ATG3: variants seen among roughly 807,000 people sequenced by gnomAD.
The protein encoded by ATG3 is ubiquitin-like-conjugating enzyme ATG3.
Under a neutral mutation model 50.7 loss-of-function variants are expected in ATG3, and 25 were observed. That is an observed-to-expected ratio of 0.49 (90% confidence interval 0.36 to 0.69). The LOEUF is 0.69. Among genes scored for constraint, ATG3 ranks in the 30% least tolerant of loss-of-function variants. The probability of loss-of-function intolerance (pLI) is 0.00; values close to 1 mark genes in which losing one functional copy is unlikely to be tolerated. For missense variants in ATG3, 281 were observed against 376.0 expected (o/e 0.75, Z 2.09); for synonymous variants, 119 against 125.5 (o/e 0.95, Z 0.34).
At chr3:112,532,937 GTCTATTTAA>G in intron 11 of ATG3, 157 bp from the exon 12 acceptor site, 2 of 1,296,210 alleles carry the variant, frequency 1.5e-6, no homozygotes, top group Non-Finnish European at 9.8e-7. Context: ...GCAAATTTGT[GTCTATTTAA>G]CATGAGGCTC....
In ATG3 at chr3:112,543,949, C is replaced by A. The variant is rs1186396241; in HGVS notation, c.393+108G>T. On this transcript the variant is annotated intron_variant, in intron 6 of 11. Coordinates refer to ENST00000283290, the MANE Select transcript of ATG3 (RefSeq NM_022488.5). ...TTAAAAGAGCTTGATAATAAAAAAC[C>A]AGGGTTTTTATAAGAAAGATATGGT... 1.0e-5 allele frequency: 8 copies of A among 762,300 alleles called. No individual in the cohort carries two copies. The East Asian group carries it at 1.4e-4, about 14-fold the overall frequency. The allele number at this position is 762,300 out of a possible 1,614,324, so 47.2% of individuals were successfully genotyped here.
At position 112,545,739 on chromosome 3, in the gene ATG3, T is replaced by C. The variant is rs114912639; in HGVS notation, c.344-1633A>G. Among the ~76,000 whole-genome samples the C allele has an allele frequency of 5.5e-3, 840 of 152,198 alleles. 9 individuals carry two copies. The highest frequency in any genetic ancestry group is 0.019 in the African/African-American group (777 of 41,520). On this transcript the variant is annotated intron_variant, in intron 5 of 11. Coordinates refer to ENST00000283290, the MANE Select transcript of ATG3 (RefSeq NM_022488.5). Reference sequence around the variant, plus strand: ...AAACACTTCTAGAAGTAGGATACAGTTGACAAAGAAAAAGAAAGCTCAAAT... The same window carrying C: ...AAACACTTCTAGAAGTAGGATACAGCTGACAAAGAAAAAGAAAGCTCAAAT...
intron 1 of ATG3, among the ~76,000 whole-genome samples, chr3:112,560,330 C>T (rs952514552): frequency 1.8e-4 from 27 of 152,276 alleles, no homozygotes; most frequent in Admixed American, 1.6e-3. Flanking sequence ...ATGACTTTCA[C>T]AGTAAACAAA....
chr3:112,556,483 T>A (rs1323789087), intron 2 of ATG3, among the ~76,000 whole-genome samples: 6 of 149,440 alleles, frequency 4.0e-5, no homozygotes, highest in South Asian at 2.2e-4. Context: ...TACTGGGAAG[T>A]GAGGAGCCCC....
chr3:112,535,614 T>C (rs940206401), intron 10 of ATG3: 4 of 152,018 alleles, frequency 2.6e-5, no homozygotes, highest in Admixed American at 2.0e-4. Context: ...TCAGACATAA[T>C]AAAACTGAAA....
chr3:112,537,955 A>G (rs1286609270), intron 8 of ATG3, 65 bp from the exon 9 acceptor site: 1 of 1,454,512 alleles, frequency 6.9e-7, no homozygotes, highest in African/African-American at 1.4e-5. Flanking sequence ...ATTCTAGAAA[A>G]CTTATTTTTT....
At chr3:112,556,683 A>G (rs1161888241) in intron 2 of ATG3, among the ~76,000 whole-genome samples, 1 of 152,208 alleles carries the variant, frequency 6.6e-6, no homozygotes, top group South Asian at 2.1e-4. Flanking sequence ...CTGTACTAAG[A>G]AAAATTCTTC....
chr3:112,541,409 T>C (rs894091281), intron 7 of ATG3, among the ~76,000 whole-genome samples: 9 of 151,504 alleles, frequency 5.9e-5, no homozygotes, highest in Non-Finnish European at 1.2e-4. Context: ...AAAGGCCCCA[T>C]TGAAACTCAC....
chr3:112,541,452 A>G (rs1933222721), intron 7 of ATG3, among the ~76,000 whole-genome samples: 1 of 152,220 alleles, frequency 6.6e-6, no homozygotes. Flanking sequence ...GATGCTATCA[A>G]AGAGGGAAAA....
intron 3 of ATG3, among the ~76,000 whole-genome samples, chr3:112,552,366 A>T (rs2638026): frequency 0.16 from 23,837 of 151,830 alleles, 4,391 homozygotes; most frequent in African/African-American, 0.44. Flanking sequence ...AAACTGCTAA[A>T]TTGCTTAAGG....
At chr3:112,559,019 G>A (rs1022208829) in intron 1 of ATG3, among the ~76,000 whole-genome samples, 1 of 152,182 alleles carries the variant, frequency 6.6e-6, no homozygotes, top group South Asian at 2.1e-4. Flanking sequence ...GATTACAGGC[G>A]TGAGCCACTG....
intron 4 of ATG3, among the ~76,000 whole-genome samples, chr3:112,549,571 G>A (rs1405380066): frequency 2.6e-5 from 4 of 152,240 alleles, no homozygotes; most frequent in East Asian, 3.9e-4. Context: ...CACTTTGGGA[G>A]GCCAAGGTGG....
At chr3:112,542,562 C>T (rs1477678645) in intron 6 of ATG3, among the ~76,000 whole-genome samples, 1 of 151,998 alleles carries the variant, frequency 6.6e-6, no homozygotes, top group East Asian at 1.9e-4. Flanking sequence ...TAATTTAACA[C>T]TAGAAACTTA....
intron 3 of ATG3, 75 bp downstream of exon 3, chr3:112,553,205 C>A: frequency 8.0e-7 from 1 of 1,244,818 alleles, no homozygotes; most frequent in South Asian, 1.2e-5. Context: ...CATCCATTAA[C>A]CTATTTTGCA....
intron 6 of ATG3, among the ~76,000 whole-genome samples, chr3:112,543,287 C>T (rs2107375215): frequency 6.6e-6 from 1 of 152,052 alleles, no homozygotes; most frequent in Admixed American, 6.5e-5. Context: ...ATTATTTTTT[C>T]ATATCATTTC....
rs1057149901 is a variant in ATG3, at chr3:112,560,626, A to G, written c.72+831T>C. On this transcript the variant is annotated intron_variant, in intron 1 of 11. Coordinates refer to ENST00000283290, the MANE Select transcript of ATG3 (RefSeq NM_022488.5). ...AGCAAGAACTTCCCATTAATTTACTATTCTTGCTCACTTTTCAGAAAGCAA... is the reference window on the plus strand; with the variant it reads ...AGCAAGAACTTCCCATTAATTTACTGTTCTTGCTCACTTTTCAGAAAGCAA... 3.2e-4 allele frequency among the ~76,000 whole-genome samples: 49 copies of G among 152,312 alleles called. 1 individual carries two copies. Among genetic ancestry groups the G allele is most frequent in the Admixed American group, 3.1e-3 (47 of 15,298 alleles).
chr3:112,540,431 C>CT (rs1292500705), intron 7 of ATG3, among the ~76,000 whole-genome samples: 2 of 152,176 alleles, frequency 1.3e-5, no homozygotes, highest in African/African-American at 2.4e-5. Context: ...CAATGCCTGC[C>CT]TTTTTTTCAT....
chr3:112,533,731 G>A (rs940578564), intron 11 of ATG3: 18 of 985,204 alleles, frequency 1.8e-5, no homozygotes, highest in Non-Finnish European at 2.2e-5. Context: ...TAACTTGAAT[G>A]TATTACTTTT....
chr3:112,536,754 T>C lies in ATG3; in HGVS notation c.667-152A>G, dbSNP rs1576713575. ...GGCTAACATGGTGAAACACCGTCTCTACTAAGAATATAAAAAATTAGCCGG... is the reference window on the plus strand; with the variant it reads ...GGCTAACATGGTGAAACACCGTCTCCACTAAGAATATAAAAAATTAGCCGG... On this transcript the variant is annotated intron_variant, in intron 9 of 11. Coordinates refer to ENST00000283290, the MANE Select transcript of ATG3 (RefSeq NM_022488.5). 1.0e-5 allele frequency: 7 copies of C among 670,470 alleles called. No individual in the cohort carries two copies. In the East Asian group the frequency reaches 2.4e-4, roughly 23 times the overall value. The allele number at this position is 670,470 out of a possible 1,614,324, so 41.5% of individuals were successfully genotyped here. A position where few individuals can be genotyped will look rare whatever the true frequency, so the allele number is the denominator to read the frequency against.
Sources: gnomAD v4.1 joint callset for allele counts (sites outside exome capture counted in the v4.1 genomes callset) on GRCh38, gnomAD v4.1.1 for gene constraint, MANE v1.5 for transcripts, NCBI Gene and HGNC (gene_info 2026-07-23, HGNC 2026-07-21) for gene names.